Variants in ARHGAP40 observed in about 807,000 individuals in gnomAD.
The protein encoded by ARHGAP40 is Rho GTPase activating protein 40, also known as rho GTPase-activating protein 40.
ARHGAP40 carries 43 observed loss-of-function variants against 73.5 expected under a neutral mutation model. That is an observed-to-expected ratio of 0.58 (90% confidence interval 0.46 to 0.75). The LOEUF is 0.75. Among genes scored for constraint, ARHGAP40 ranks in the 30% least tolerant of loss-of-function variants. The pLI is 0.00. For missense variants in ARHGAP40, 734 were observed against 861.8 expected, an observed-to-expected ratio of 0.85 and a Z score of 1.86; for synonymous variants, 300 against 352.8, an observed-to-expected ratio of 0.85 and a Z score of 1.68.
At chr20:38,615,387 C>A (rs754663551) in intron 1 of ARHGAP40, 10 of 739,704 alleles carry the variant, frequency 1.4e-5, no homozygotes, top group East Asian at 1.0e-4. Flanking sequence ...AGGTACCCAC[C>A]CCAATGAGGT....
chr20:38,629,753 A>G, intron 5 of ARHGAP40, 103 bp downstream of exon 5: 1 of 1,170,984 alleles, frequency 8.5e-7, no homozygotes. Flanking sequence ...CCAGCACAAA[A>G]GTTGTTAATT....
intron 1 of ARHGAP40, among the ~76,000 whole-genome samples, chr20:38,602,989 T>C (rs2088744598): frequency 1.3e-5 from 2 of 152,224 alleles, no homozygotes; most frequent in Admixed American, 6.5e-5. Context: ...GGGACTTGCA[T>C]GGGTAAAATT....
intron 7 of ARHGAP40, among the ~76,000 whole-genome samples, chr20:38,638,345 A>C (rs563895685): frequency 2.0e-4 from 30 of 151,890 alleles, no homozygotes; most frequent in African/African-American, 7.2e-4. Context: ...TAAATAAGTA[A>C]ATTTTTGTCT....
intron 13 of ARHGAP40, among the ~76,000 whole-genome samples, chr20:38,648,022 A>G (rs1369873809): frequency 6.6e-6 from 1 of 152,156 alleles, no homozygotes; most frequent in Non-Finnish European, 1.5e-5. Flanking sequence ...GGTACAGGAA[A>G]CAGCCTGAGA....
At chr20:38,635,115 C>T (rs778989865) in intron 6 of ARHGAP40, among the ~76,000 whole-genome samples, 3 of 151,986 alleles carry the variant, frequency 2.0e-5, no homozygotes, top group South Asian at 4.2e-4. Flanking sequence ...CTCTTGACCT[C>T]GTGATCTGCC....
In ARHGAP40 at chr20:38,639,399, AAGCCCTT is replaced by A; in HGVS notation, c.1279+18_1279+24del. On this transcript the variant is annotated intron_variant, in intron 9 of 14. Coordinates refer to ENST00000373345, the Ensembl canonical transcript of ARHGAP40. ...GCCGTGGTGCCTAGTGAGTGTGCCC[AAGCCCTT>A]AGCCTGTGCAGGGATGGAGAGTTGG... The A allele has an allele frequency of 7.7e-7, 1 of 1,305,252 alleles. No individual in the cohort carries two copies. Among genetic ancestry groups the A allele is most frequent in the Non-Finnish European group, 1.0e-6 (1 of 988,820 alleles). 80.9% of individuals were successfully genotyped at this position (1,305,252 alleles called of 1,614,324 possible). A position where few individuals can be genotyped will look rare whatever the true frequency, so the allele number is the denominator to read the frequency against.
rs1481680982 is a variant in ARHGAP40, at chr20:38,602,094, G to C, written c.137+15G>C. 5 of 1,271,280 alleles carry C rather than the reference G, an allele frequency of 3.9e-6. No homozygotes were observed. The South Asian group carries it at 6.3e-5, about 16-fold the overall frequency. 78.7% of individuals were successfully genotyped at this position (1,271,280 alleles called of 1,614,324 possible). A position where few individuals can be genotyped will look rare whatever the true frequency, so the allele number is the denominator to read the frequency against. On this transcript the variant is annotated intron_variant, in intron 1 of 14. Transcript: ENST00000373345. ...CTGGGCTGCAGGTACAGGGGTCACG[G>C]GAGCGGGAGGGAAGTTGGCCCTACT...
intron 9 of ARHGAP40, among the ~76,000 whole-genome samples, chr20:38,640,074 TG>T (rs2089005079): frequency 7.4e-6 from 1 of 135,790 alleles, no homozygotes; most frequent in African/African-American, 3.0e-5. Flanking sequence ...CGCAGCGTTT[TG>T]GTTGTTGTTG....
chr20:38,627,859 T>C (rs1389998620), intron 3 of ARHGAP40, among the ~76,000 whole-genome samples: 2 of 152,208 alleles, frequency 1.3e-5, no homozygotes, highest in African/African-American at 2.4e-5. Flanking sequence ...AGGTTCTTTC[T>C]ATATAATTGT....
In ARHGAP40 at chr20:38,608,827, C is replaced by T. The variant is rs563487060; in HGVS notation, c.137+6748C>T. Among the ~76,000 whole-genome samples, 10 of 152,306 alleles carry T rather than the reference C, an allele frequency of 6.6e-5. No individual in the cohort carries two copies. In the South Asian group the frequency reaches 2.1e-3, roughly 32 times the overall value. On this transcript the variant is annotated intron_variant, in intron 1 of 14. Transcript: ENST00000373345. ...TCTAAAAATCAAGGTGTCGGTAGGA[C>T]TGTGATCCTTTCTGGAGGCTCTCGG...
intron 1 of ARHGAP40, among the ~76,000 whole-genome samples, chr20:38,613,875 C>T (rs1035946210): frequency 1.3e-5 from 2 of 152,254 alleles, no homozygotes; most frequent in East Asian, 1.9e-4. Context: ...AGAGATATGG[C>T]GAGCATCGTT....
intron 2 of ARHGAP40, among the ~76,000 whole-genome samples, chr20:38,626,666 T>G (rs1240364315): frequency 6.6e-6 from 1 of 152,228 alleles, no homozygotes; most frequent in Non-Finnish European, 1.5e-5. Context: ...TTTGGATAAG[T>G]GGGTTCATTA....
rs1367412827 is a variant in ARHGAP40 at position 38,646,808 on chromosome 20, C to T, written c.1711-149C>T. 2.4e-5 allele frequency: 15 copies of T among 636,538 alleles called. No homozygotes were observed. The Admixed American group carries it at 5.2e-4, about 22-fold the overall frequency. 39.4% of individuals were successfully genotyped at this position (636,538 alleles called of 1,614,324 possible). On this transcript the variant is annotated intron_variant, in intron 12 of 14. Coordinates refer to ENST00000373345, the Ensembl canonical transcript of ARHGAP40. The surrounding 1 kb of genome is among the most constrained non-coding windows in gnomAD (Gnocchi z 4.5). ...AATGTGTATGTCTGTGATCTGTGCC[C>T]AAGTGTCCGGTATGCGTGTGTGTGT...
chr20:38,643,908 A>G, exon 11 of ARHGAP40: 1 of 1,297,934 alleles, frequency 7.7e-7, no homozygotes, highest in Non-Finnish European at 1.0e-6. Flanking sequence ...TCTGCTGTGG[A>G]CGGTGAGTGC....
Position 38,621,190 on chromosome 20 carries a change from C to T in ARHGAP40, c.138-2169C>T, listed in dbSNP as rs1298377231. 3.3e-5 allele frequency among the ~76,000 whole-genome samples: 5 copies of T among 152,280 alleles called. No individual in the cohort carries two copies. The East Asian group carries it at 9.7e-4, about 29-fold the overall frequency. On this transcript the variant is annotated intron_variant, in intron 1 of 14. Transcript: ENST00000373345. ...GGGATCCCACAAGATGGGGGCTAAG[C>T]AGGCAGCAGGGGTAAAATCAGAACA...
rs772825570 is a variant in ARHGAP40 at position 38,634,759 on chromosome 20, G to A, written c.923G>A (p.Ser308Asn). ...ATCCTCGGCTTGGACCTGAAGAGGA[G>A]CAAGGCGGGGAAGTGGAAAGCGGCA... Residue 308 changes from serine to asparagine, a missense_variant, in exon 6 of 15, where the codon AGC becomes AAC. By Grantham distance (46) the Ser-to-Asn change is conservative (BLOSUM62 1). Coordinates refer to ENST00000373345, the Ensembl canonical transcript of ARHGAP40. 12 of 1,298,212 alleles carry A rather than the reference G, an allele frequency of 9.2e-6. No individual in the cohort carries two copies. In the South Asian group the frequency reaches 1.5e-4, roughly 16 times the overall value. 80.4% of individuals were successfully genotyped at this position (1,298,212 alleles called of 1,614,324 possible).
exon 9 of ARHGAP40, chr20:38,639,319 G>T (rs944457280): frequency 1.2e-5 from 16 of 1,305,380 alleles, no homozygotes; most frequent in East Asian, 1.1e-4. Context: ...TGCTCAAAAG[G>T]TTCATCCGGA....
chr20:38,634,795 C>T lies in ARHGAP40; in HGVS notation c.949+10C>T. On this transcript the variant is annotated intron_variant, in intron 6 of 14. Transcript: ENST00000373345. ...AAGTGGAAAGCGGCAGGTGAGCAGC[C>T]CCAGCCCAGGGAAAGCCCTGTGGCC... 1 of 1,265,074 alleles carries T rather than the reference C, an allele frequency of 7.9e-7. No homozygotes were observed. The highest frequency in any genetic ancestry group is 1.0e-6 in the Non-Finnish European group (1 of 969,420). The allele number at this position is 1,265,074 out of a possible 1,614,324, so 78.4% of individuals were successfully genotyped here.
chr20:38,629,047 G>C (rs1260894773), intron 4 of ARHGAP40, 45 bp downstream of exon 4: 2 of 1,255,466 alleles, frequency 1.6e-6, no homozygotes, highest in Non-Finnish European at 2.1e-6. Context: ...CCTCCAGGCT[G>C]CATAAAGGGC....
Sources: allele counts gnomAD v4.1 joint callset (sites outside exome capture counted in the v4.1 genomes callset), GRCh38; gene constraint gnomAD v4.1.1; non-coding constraint Gnocchi (gnomAD v3.1); transcripts MANE v1.5; gene names NCBI Gene and HGNC (gene_info 2026-07-23, HGNC 2026-07-21).